RERE: variants seen among roughly 807,000 people sequenced by gnomAD.
The protein encoded by RERE is arginine-glutamic acid dipeptide repeats protein.
In RERE, 40 loss-of-function variants were observed where a neutral mutation model predicts 146.1. That is an observed-to-expected ratio of 0.27 (90% CI 0.21 to 0.36). The LOEUF (loss-of-function observed/expected upper bound fraction) is 0.36. Among genes scored for constraint, RERE ranks in the 10% least tolerant of loss-of-function variants. RERE has a pLI of 1.00. For missense variants in RERE, 1,933 were observed against 2,138.7 expected (o/e 0.90, Z 1.90); for synonymous variants, 1,003 against 866.0 (o/e 1.16, Z -2.78).
intron 12 of RERE, among the ~76,000 whole-genome samples, chr1:8,390,882 A>C (rs1360550815): frequency 6.6e-6 from 1 of 152,056 alleles, no homozygotes; most frequent in East Asian, 1.9e-4. Context: ...CTGATTTGCC[A>C]CTTCTGATTC....
intron 22 of RERE, 146 bp from the exon 23 acceptor site, chr1:8,355,266 T>TC: frequency 2.7e-6 from 3 of 1,127,458 alleles, no homozygotes; most frequent in African/African-American, 3.1e-5. Context: ...TCCCAACACC[T>TC]CCCTTCCTCT....
In RERE at chr1:8,563,116, A is replaced by T. The variant is rs1646098330; in HGVS notation, c.523-5593T>A. On this transcript the variant is annotated intron_variant, in intron 4 of 22. Coordinates refer to ENST00000400908, the MANE Select transcript of RERE (RefSeq NM_001042681.2). ...TGTGTTGTCATCAGCAACACACAAC[A>T]CAGTCTGCCCAAACACAGACACAGG... 2.0e-5 allele frequency among the ~76,000 whole-genome samples: 3 copies of T among 152,210 alleles called. 1 individual carries two copies. The South Asian group carries it at 6.2e-4, about 32-fold the overall frequency.
chr1:8,484,612 G>A (rs370632428), intron 10 of RERE, among the ~76,000 whole-genome samples: 2 of 151,966 alleles, frequency 1.3e-5, no homozygotes, highest in East Asian at 1.9e-4. Context: ...TAGTAGAGAT[G>A]AGGTTTCACT....
intron 12 of RERE, among the ~76,000 whole-genome samples, chr1:8,396,014 C>T (rs1483712954): frequency 6.6e-6 from 1 of 152,188 alleles, no homozygotes; most frequent in African/African-American, 2.4e-5. Flanking sequence ...CCATTAACTA[C>T]CCACCTTGAA....
chr1:8,490,360 G>A lies in RERE; in HGVS notation c.1104+4703C>T, dbSNP rs796740426. On this transcript the variant is annotated intron_variant, in intron 10 of 22. Transcript: ENST00000400908. ...CAACATCTCAAAAAAAAAAAAAAAA[G>A]AAAAGAAAAGAAAAGAAACCTGTTT... 6.1e-3 allele frequency among the ~76,000 whole-genome samples: 851 copies of A among 140,354 alleles called. 34 individuals carry two copies. Among genetic ancestry groups the A allele is most frequent in the African/African-American group, 0.02 (742 of 36,478 alleles). The allele number at this position is 140,354 out of a possible 152,430, so 92.1% of individuals were successfully genotyped here.
chr1:8,664,323 C>G (rs953532034), intron 1 of RERE, among the ~76,000 whole-genome samples: 2 of 152,154 alleles, frequency 1.3e-5, no homozygotes, highest in African/African-American at 4.8e-5. Context: ...CTAGGCCAAC[C>G]AGTGTAGAAG....
intron 10 of RERE, among the ~76,000 whole-genome samples, chr1:8,474,717 A>C (rs1006471363): frequency 3.3e-5 from 5 of 152,202 alleles, no homozygotes; most frequent in African/African-American, 1.2e-4. Flanking sequence ...TTTATAACTT[A>C]ATTTAAATGT....
chr1:8,426,262 G>A (rs146140939), intron 11 of RERE, among the ~76,000 whole-genome samples: 2,283 of 152,092 alleles, frequency 0.015, 59 homozygotes, highest in African/African-American at 0.052. Flanking sequence ...AGACCATCCT[G>A]GCTAACACAG....
intron 1 of RERE, among the ~76,000 whole-genome samples, chr1:8,658,010 C>G (rs1557462848): frequency 6.6e-6 from 1 of 152,158 alleles, no homozygotes; most frequent in Non-Finnish European, 1.5e-5. Flanking sequence ...CAAGAAAAGT[C>G]TTGAGGTTTT....
chr1:8,516,736 A>ATT (rs1290264762), intron 7 of RERE, among the ~76,000 whole-genome samples: 10 of 152,362 alleles, frequency 6.6e-5, no homozygotes, highest in African/African-American at 2.4e-4. Flanking sequence ...CAGAATGATG[A>ATT]GAATCCATAT....
intron 11 of RERE, among the ~76,000 whole-genome samples, chr1:8,444,002 C>T (rs1469785228): frequency 6.6e-6 from 1 of 152,150 alleles, no homozygotes. Context: ...GTTGGAGGGC[C>T]CACACAGAGT....
intron 10 of RERE, among the ~76,000 whole-genome samples, chr1:8,468,836 G>A (rs1644640800): frequency 6.6e-6 from 1 of 151,916 alleles, no homozygotes; most frequent in African/African-American, 2.4e-5. Context: ...GGTTAAGGCT[G>A]CAGTAGTCTT....
intron 12 of RERE, among the ~76,000 whole-genome samples, chr1:8,374,280 TA>T (rs1642154156): frequency 6.6e-6 from 1 of 152,224 alleles, no homozygotes; most frequent in Non-Finnish European, 1.5e-5. Context: ...CTTTAACTTG[TA>T]AATAGGTGGG....
intron 4 of RERE, among the ~76,000 whole-genome samples, chr1:8,568,929 C>A (rs974439463): frequency 6.6e-6 from 1 of 152,114 alleles, no homozygotes. Flanking sequence ...CTGACAAATA[C>A]TAAATGTCAG....
intron 12 of RERE, among the ~76,000 whole-genome samples, chr1:8,417,464 T>TA (rs1643808266): frequency 6.6e-6 from 1 of 152,232 alleles, no homozygotes; most frequent in African/African-American, 2.4e-5. Context: ...TCCCATTACT[T>TA]AAAGTTAAAA....
intron 11 of RERE, among the ~76,000 whole-genome samples, chr1:8,448,845 A>C (rs534602407): frequency 6.6e-6 from 1 of 152,008 alleles, no homozygotes; most frequent in Non-Finnish European, 1.5e-5. Context: ...TCAATCAAAC[A>C]AACAAACAAA....
intron 15 of RERE, among the ~76,000 whole-genome samples, chr1:8,363,116 G>A (rs769910467): frequency 1.3e-5 from 2 of 152,244 alleles, no homozygotes; most frequent in African/African-American, 4.8e-5. Flanking sequence ...CCTGAACAAC[G>A]TGTGCTGGAA....
chr1:8,356,394 T>A lies in RERE; in HGVS notation c.4340-148A>T. 1.1e-6 allele frequency: 1 copy of A among 912,400 alleles called. No individual in the cohort carries two copies. Among genetic ancestry groups the A allele is most frequent in the Non-Finnish European group, 1.5e-6 (1 of 659,828 alleles). The allele number at this position is 912,400 out of a possible 1,614,324, so 56.5% of individuals were successfully genotyped here. ...TGCACCACCTGGCTACAGGTGGCCCTGCCCCAAAGTGGCTGCCTCCACCTT... is the reference window on the plus strand; with the variant it reads ...TGCACCACCTGGCTACAGGTGGCCCAGCCCCAAAGTGGCTGCCTCCACCTT... On this transcript the variant is annotated intron_variant, in intron 20 of 22. Transcript: ENST00000400908. The surrounding 1 kb of genome is among the most constrained non-coding windows in gnomAD (Gnocchi z 5.2).
At chr1:8,699,321 C>CA (rs1361004866) in intron 1 of RERE, among the ~76,000 whole-genome samples, 1 of 152,238 alleles carries the variant, frequency 6.6e-6, no homozygotes, top group African/African-American at 2.4e-5. Flanking sequence ...GAATAGAACT[C>CA]AAACTCAGAC....
Sources: gnomAD v4.1 joint callset for allele counts (sites outside exome capture counted in the v4.1 genomes callset) on GRCh38, gnomAD v4.1.1 for gene constraint, Gnocchi (gnomAD v3.1) non-coding constraint, MANE v1.5 for transcripts, NCBI Gene and HGNC (gene_info 2026-07-23, HGNC 2026-07-21) for gene names.